Variants in WDR93 observed in about 807,000 individuals in gnomAD.
The protein encoded by WDR93 is WD repeat-containing protein 93.
In WDR93, 73 loss-of-function variants were observed where a neutral mutation model predicts 82.9. The ratio of observed to expected loss-of-function variants is 0.88; its 90% CI spans 0.73 to 1.07. WDR93 has a LOEUF of 1.07. Ranked by LOEUF, WDR93 falls within the 50% of genes least tolerant of loss-of-function variation. WDR93 has a pLI of 0.00. For missense variants in WDR93, 738 were observed against 826.0 expected, an observed-to-expected ratio of 0.89 and a Z score of 1.31; for synonymous variants, 283 against 300.1, an observed-to-expected ratio of 0.94 and a Z score of 0.59.
At chr15:89,740,256 T>C (rs1416960268) in intron 16 of WDR93, among the ~76,000 whole-genome samples, 2 of 152,190 alleles carry the variant, frequency 1.3e-5, no homozygotes, top group African/African-American at 4.8e-5. Flanking sequence ...ATAGCTCCTC[T>C]CCGCTTCCTA....
chr15:89,727,187 T>C lies in WDR93; in HGVS notation c.911T>C (p.Phe304Ser), dbSNP rs751775657. Residue 304 changes from phenylalanine to serine, a missense_variant, in exon 9 of 17, where the codon TTT becomes TCT. Coordinates refer to ENST00000268130, the MANE Select transcript of WDR93 (RefSeq NM_020212.2). Reference sequence around the variant, plus strand: ...ACATTCAAAAGCCCCCTGGAAGTCTTTGCAAAGATCAAGGACTGCTACGGA... The same window carrying C: ...ACATTCAAAAGCCCCCTGGAAGTCTCTGCAAAGATCAAGGACTGCTACGGA... ...GTTFKSPLEV[F>S]AKIKDCYGLG... is the part of the protein sequence containing the mutation. 3 of 1,613,812 alleles carry C rather than the reference T, an allele frequency of 1.9e-6. No individual in the cohort carries two copies. The highest frequency in any genetic ancestry group is 2.2e-5 in the East Asian group (1 of 44,894).
chr15:89,720,217 A>G (rs1211069709), intron 7 of WDR93, among the ~76,000 whole-genome samples: 3 of 152,106 alleles, frequency 2.0e-5, no homozygotes, highest in Non-Finnish European at 4.4e-5. Flanking sequence ...TTTTATTTTC[A>G]TTCATTTCAA....
chr15:89,696,602 CT>C (rs1470007150), intron 1 of WDR93, among the ~76,000 whole-genome samples: 1 of 152,128 alleles, frequency 6.6e-6, no homozygotes, highest in Middle Eastern at 3.4e-3. Context: ...TAAAGCAATC[CT>C]CCCACCTCAG....
chr15:89,729,413 T>G (rs1440498647), intron 10 of WDR93, among the ~76,000 whole-genome samples: 2 of 152,124 alleles, frequency 1.3e-5, no homozygotes, highest in African/African-American at 4.8e-5. Context: ...AGGGTGTGAA[T>G]TTTCTAGATG....
intron 6 of WDR93, 38 bp downstream of exon 6, chr15:89,715,133 C>T: frequency 1.3e-6 from 2 of 1,580,252 alleles, no homozygotes; most frequent in Non-Finnish European, 1.7e-6. Context: ...TATGTTTCTC[C>T]CTACCCCTGA....
At chr15:89,736,073 G>A (rs976813571) in intron 14 of WDR93, among the ~76,000 whole-genome samples, 4 of 152,214 alleles carry the variant, frequency 2.6e-5, no homozygotes, top group Non-Finnish European at 2.9e-5. Flanking sequence ...ACACTGCGCA[G>A]AAGGATACAG....
rs1216867515 is a variant in WDR93 at position 89,729,791 on chromosome 15, A to G, written c.1210+22A>G. 8.1e-6 allele frequency: 13 copies of G among 1,595,432 alleles called. No individual in the cohort carries two copies. In the Admixed American group the frequency reaches 2.0e-4, roughly 25 times the overall value. ...GCTGGTACTTTACTGCTGAGATGGG[A>G]GTCGCCTAAGCTCAGGACTTGCAGA... On this transcript the variant is annotated intron_variant, in intron 11 of 16. Transcript: ENST00000268130.
At position 89,743,536 on chromosome 15, in the gene WDR93, G is replaced by A. The variant is rs1161380215; in HGVS notation, c.*145G>A. On this transcript the variant is annotated 3_prime_UTR_variant, in exon 17 of 17. Coordinates refer to ENST00000268130, the MANE Select transcript of WDR93 (RefSeq NM_020212.2). ...TCTGGGGCCTCTGCAGAGCCAGCAA[G>A]GGGAAAAGTATAATCTGGGGGACCT... 1.1e-5 allele frequency: 8 copies of A among 709,750 alleles called. No individual in the cohort carries two copies. In the East Asian group the frequency reaches 2.2e-4, roughly 19 times the overall value. 44.0% of individuals were successfully genotyped at this position (709,750 alleles called of 1,614,324 possible).
intron 1 of WDR93, among the ~76,000 whole-genome samples, chr15:89,698,136 A>C (rs553604920): frequency 5.9e-5 from 9 of 151,956 alleles, no homozygotes; most frequent in Admixed American, 3.3e-4. Flanking sequence ...CGCCCGTCTC[A>C]GCCTCCCAAA....
intron 8 of WDR93, among the ~76,000 whole-genome samples, chr15:89,722,522 A>C (rs1966566939): frequency 6.6e-6 from 1 of 152,242 alleles, no homozygotes; most frequent in Admixed American, 6.5e-5. Context: ...CACCAAGCAC[A>C]AAGATGAGTA....
At chr15:89,713,112 G>A (rs1001176832) in intron 5 of WDR93, among the ~76,000 whole-genome samples, 6 of 132,842 alleles carry the variant, frequency 4.5e-5, no homozygotes, top group East Asian at 2.2e-4. Context: ...AACAAAGAGC[G>A]AAACTCCATC....
intron 6 of WDR93, among the ~76,000 whole-genome samples, chr15:89,715,850 C>T (rs181123018): frequency 2.1e-3 from 324 of 152,332 alleles, no homozygotes; most frequent in Non-Finnish European, 3.9e-3. Flanking sequence ...TCCCAAAGTG[C>T]TGGGATTACA....
intron 2 of WDR93, 150 bp from the exon 3 acceptor site, chr15:89,702,800 A>C: frequency 1.2e-6 from 1 of 866,208 alleles, no homozygotes; most frequent in Non-Finnish European, 1.7e-6. Context: ...CGGCCTCCCA[A>C]AGTGCTGGGA....
intron 6 of WDR93, among the ~76,000 whole-genome samples, chr15:89,715,806 A>C (rs907838784): frequency 6.6e-6 from 1 of 152,056 alleles, no homozygotes; most frequent in South Asian, 2.1e-4. Flanking sequence ...GGATGGTCTC[A>C]ATCTCCTGAC....
intron 9 of WDR93, among the ~76,000 whole-genome samples, chr15:89,727,646 T>C (rs974472870): frequency 1.3e-5 from 2 of 152,188 alleles, no homozygotes; most frequent in African/African-American, 4.8e-5. Flanking sequence ...ATTGTTACTA[T>C]ATAGTTAGAA....
At chr15:89,730,760 C>T (rs1966852452) in intron 11 of WDR93, among the ~76,000 whole-genome samples, 1 of 151,962 alleles carries the variant, frequency 6.6e-6, no homozygotes, top group African/African-American at 2.4e-5. Flanking sequence ...GCAGCATGAG[C>T]CTGTAGTCCC....
rs190772243 is a variant in WDR93, at chr15:89,695,583, T to C, written c.-41+4726T>C. Reference sequence around the variant, plus strand: ...GATACTGTTGTAAATGGTATTTTTATTTCAATGTTTGGTTTGTTATTGCCA... The same window carrying C: ...GATACTGTTGTAAATGGTATTTTTACTTCAATGTTTGGTTTGTTATTGCCA... On this transcript the variant is annotated intron_variant, in intron 1 of 16. Coordinates refer to ENST00000268130, the MANE Select transcript of WDR93 (RefSeq NM_020212.2). Among the ~76,000 whole-genome samples the C allele has an allele frequency of 3.3e-5, 5 of 152,344 alleles. No individual in the cohort carries two copies. The East Asian group carries it at 9.6e-4, about 29-fold the overall frequency.
intron 4 of WDR93, among the ~76,000 whole-genome samples, chr15:89,710,019 G>T (rs4360902): frequency 0.43 from 65,370 of 151,582 alleles, 14,446 homozygotes; most frequent in African/African-American, 0.48. Context: ...AATTAGCCGG[G>T]TGTGCTGGCA....
intron 13 of WDR93, among the ~76,000 whole-genome samples, chr15:89,734,012 TGC>T (rs201252466): frequency 0.024 from 3,620 of 151,700 alleles, 159 homozygotes; most frequent in African/African-American, 0.084. Flanking sequence ...TGTGTGTGTG[TGC>T]GCGCGCGCAT....
Sources: allele counts gnomAD v4.1 joint callset (sites outside exome capture counted in the v4.1 genomes callset), GRCh38; gene constraint gnomAD v4.1.1; transcripts MANE v1.5; gene names NCBI Gene and HGNC (gene_info 2026-07-23, HGNC 2026-07-21).